NTRK3: variants seen among roughly 807,000 people sequenced by gnomAD.
NTRK3 encodes NT-3 growth factor receptor.
In NTRK3, 24 loss-of-function variants were observed where a neutral mutation model predicts 91.7. The ratio of observed to expected loss-of-function variants is 0.26; its 90% CI spans 0.19 to 0.37. The LOEUF is 0.37. Among genes scored for constraint, NTRK3 ranks in the 10% least tolerant of loss-of-function variants. The pLI, the probability that NTRK3 is intolerant of heterozygous loss-of-function variation, is 1.00. For missense variants in NTRK3, 880 were observed against 1,068.9 expected (o/e 0.82, Z 2.46); for synonymous variants, 483 against 404.0 (o/e 1.20, Z -2.34).
intron 13 of NTRK3, among the ~76,000 whole-genome samples, chr15:88,105,525 C>T (rs143306806): frequency 7.9e-4 from 121 of 152,294 alleles, no homozygotes; most frequent in African/African-American, 2.9e-3. Context: ...ACTGCATCTC[C>T]CTACTATTGG....
intron 17 of NTRK3, among the ~76,000 whole-genome samples, chr15:87,895,229 C>G (rs540707768): frequency 6.6e-6 from 1 of 152,296 alleles, no homozygotes; most frequent in East Asian, 1.9e-4. Context: ...GAACTGAAGT[C>G]CCACAGTGTC....
intron 14 of NTRK3, among the ~76,000 whole-genome samples, chr15:87,941,278 T>C (rs2069818800): frequency 6.6e-6 from 1 of 152,178 alleles, no homozygotes; most frequent in Admixed American, 6.5e-5. Context: ...TTACTAGTTT[T>C]TTGAGCTTGG....
chr15:88,188,859 T>G (rs534097995), intron 3 of NTRK3, among the ~76,000 whole-genome samples: 5 of 152,222 alleles, frequency 3.3e-5, no homozygotes, highest in Non-Finnish European at 7.3e-5. Flanking sequence ...AAGAGCCTTT[T>G]CTCTCCACTG....
chr15:88,015,813 A>G (rs186489283), intron 14 of NTRK3, among the ~76,000 whole-genome samples: 3 of 152,216 alleles, frequency 2.0e-5, no homozygotes, highest in Admixed American at 2.0e-4. Flanking sequence ...CACTATGTTT[A>G]TTCTGGAGTT....
chr15:87,952,668 C>T (rs1323448478), intron 14 of NTRK3, among the ~76,000 whole-genome samples: 4 of 152,212 alleles, frequency 2.6e-5, no homozygotes, highest in African/African-American at 4.8e-5. Flanking sequence ...GTGACCTCTG[C>T]ATTTGGACAC....
At chr15:87,950,447 C>T (rs1225388325) in intron 14 of NTRK3, among the ~76,000 whole-genome samples, 3 of 152,124 alleles carry the variant, frequency 2.0e-5, no homozygotes, top group Non-Finnish European at 2.9e-5. Context: ...GCAGCACCCC[C>T]CAAAATACAA....
chr15:88,247,715 C>A (rs992190713), intron 3 of NTRK3, among the ~76,000 whole-genome samples: 1 of 152,146 alleles, frequency 6.6e-6, no homozygotes, highest in African/African-American at 2.4e-5. Context: ...AAGCAGCAAA[C>A]GTGGAAAATG....
intron 14 of NTRK3, among the ~76,000 whole-genome samples, chr15:88,004,640 A>G (rs1168776698): frequency 6.6e-6 from 1 of 152,218 alleles, no homozygotes; most frequent in African/African-American, 2.4e-5. Flanking sequence ...TGTGTACCCT[A>G]CTGCCTTCCA....
intron 13 of NTRK3, among the ~76,000 whole-genome samples, chr15:88,111,591 G>C (rs916690891): frequency 1.3e-5 from 2 of 152,112 alleles, no homozygotes; most frequent in African/African-American, 4.8e-5. Flanking sequence ...CCCTGGGATG[G>C]GGACTCCCTA....
chr15:88,214,636 A>C (rs2049571016), intron 3 of NTRK3, among the ~76,000 whole-genome samples: 1 of 149,428 alleles, frequency 6.7e-6, no homozygotes, highest in Admixed American at 6.7e-5. Flanking sequence ...GGCTAGGACC[A>C]TTTGAGCCAG....
chr15:88,126,319 A>G, exon 13 of NTRK3: 1 of 1,614,086 alleles, frequency 6.2e-7, no homozygotes, highest in Non-Finnish European at 8.5e-7. Context: ...ATCATGACGA[A>G]GAGAACCACC....
chr15:88,096,085 C>G (rs1365497143), intron 13 of NTRK3, among the ~76,000 whole-genome samples: 1 of 152,140 alleles, frequency 6.6e-6, no homozygotes, highest in African/African-American at 2.4e-5. Context: ...TAAAAGGAAG[C>G]CAAAGTGACT....
chr15:88,140,951 G>A (rs542829252), intron 6 of NTRK3, among the ~76,000 whole-genome samples: 55 of 152,292 alleles, frequency 3.6e-4, no homozygotes, highest in African/African-American at 1.3e-3. Context: ...GATAAAAGAA[G>A]AGGAAAAAGC....
chr15:87,981,461 CAG>C, intron 14 of NTRK3: 1 of 1,547,626 alleles, frequency 6.5e-7, no homozygotes, highest in Non-Finnish European at 8.9e-7. Flanking sequence ...ATGCCAGAAA[CAG>C]AAATCCAGGT....
At chr15:88,144,199 G>A (rs1009785174) in intron 6 of NTRK3, 1 of 152,158 alleles carries the variant, frequency 6.6e-6, no homozygotes, top group Non-Finnish European at 1.5e-5. Flanking sequence ...AAACTTCTGA[G>A]AGCACTGCAC....
At chr15:88,083,661 C>T (rs1245236535) in intron 13 of NTRK3, among the ~76,000 whole-genome samples, 1 of 152,200 alleles carries the variant, frequency 6.6e-6, no homozygotes, top group Non-Finnish European at 1.5e-5. Flanking sequence ...TTGTGGCTCA[C>T]ATCAATTGCC....
chr15:88,241,879 G>A lies in NTRK3; in HGVS notation c.248+14027C>T, dbSNP rs2052388317. ...CCAGAGGTCGATTTCCAGGTGCAGG[G>A]AGAGGCCAGGAGAGTTGCTGCTCGG... On this transcript the variant is annotated intron_variant, in intron 3 of 18. Coordinates refer to ENST00000394480, the Ensembl canonical transcript of NTRK3. The surrounding 1 kb of genome is among the most constrained non-coding windows in gnomAD (Gnocchi z 4.3). Among the ~76,000 whole-genome samples, 1 of 152,158 alleles carries A rather than the reference G, an allele frequency of 6.6e-6. No homozygotes were observed. The highest frequency in any genetic ancestry group is 2.4e-5 in the African/African-American group (1 of 41,428).
chr15:88,184,440 C>A (rs186076930), intron 3 of NTRK3, 141 bp from the exon 4 acceptor site: 59 of 824,134 alleles, frequency 7.2e-5, no homozygotes, highest in Non-Finnish European at 1.1e-4. Context: ...TAAATCTGAG[C>A]CTCAGTTTCT....
intron 14 of NTRK3, among the ~76,000 whole-genome samples, chr15:87,955,580 GA>G (rs1016052293): frequency 6.6e-6 from 1 of 152,226 alleles, no homozygotes; most frequent in African/African-American, 2.4e-5. Context: ...GGACTGCAGC[GA>G]GTTAGTAGCT....
Sources: allele counts gnomAD v4.1 joint callset (sites outside exome capture counted in the v4.1 genomes callset), GRCh38; gene constraint gnomAD v4.1.1; non-coding constraint Gnocchi (gnomAD v3.1); transcripts MANE v1.5; gene names NCBI Gene and HGNC (gene_info 2026-07-23, HGNC 2026-07-21).